The following GLYATL1B variants were observed in gnomAD, a reference collection of about 807,000 sequenced individuals.
GLYATL1B encodes glycine-N-acyltransferase like 1B, also known as putative glycine N-acyltransferase-like protein 1B.
Under a neutral mutation model 5.5 loss-of-function variants are expected in GLYATL1B, and 6 were observed. The ratio of observed to expected loss-of-function variants is 1.09; its 90% CI spans 0.60 to 2.15. The LOEUF is 2.15. Among genes scored for constraint, GLYATL1B ranks in the 30% most tolerant of loss-of-function variants. The pLI is 0.00. For synonymous variants in GLYATL1B, 67 were observed against 34.9 expected (o/e 1.92, Z -3.24); for missense variants, 135 against 94.1 (o/e 1.43, Z -1.80).
intron 2 of GLYATL1B, among the ~76,000 whole-genome samples, chr11:59,089,937 T>G (rs534557960): frequency 6.6e-6 from 1 of 152,244 alleles, no homozygotes; most frequent in Admixed American, 6.5e-5. Context: ...TTTTTCATTT[T>G]GTCTTACAGT....
chr11:59,094,332 G>A lies in GLYATL1B; in HGVS notation c.492-37G>A, dbSNP rs1160942921. ...GGGCACCTAGAAATTACAGGAGTGG[G>A]GATGAAAGTTGTTGTCTTTCTTTTT... is the stretch of plus-strand genomic sequence containing the variant. On this transcript the variant is annotated intron_variant, in intron 4 of 4. Transcript: ENST00000527482. 1.8e-5 allele frequency: 9 copies of A among 493,300 alleles called. No homozygotes were observed. The East Asian group carries it at 2.0e-4, about 11-fold the overall frequency. The allele number at this position is 493,300 out of a possible 1,614,324, so 30.6% of individuals were successfully genotyped here.
At chr11:59,093,488 A>C (rs1175546276) in intron 2 of GLYATL1B, 41 bp from the exon 3 acceptor site, 2 of 474,840 alleles carry the variant, frequency 4.2e-6, no homozygotes, top group Non-Finnish European at 7.8e-6. Context: ...GGAGAAGAAA[A>C]AGTTCAAGGG....
chr11:59,090,104 ATGTC>A (rs1859276493), intron 2 of GLYATL1B, among the ~76,000 whole-genome samples: 1 of 152,072 alleles, frequency 6.6e-6, no homozygotes. Context: ...TGAAACATAA[ATGTC>A]TATTTTGTCA....
chr11:59,088,906 A>G (rs1309788500), intron 2 of GLYATL1B, among the ~76,000 whole-genome samples: 2 of 152,220 alleles, frequency 1.3e-5, no homozygotes, highest in African/African-American at 2.4e-5. Context: ...GGTGAGATGC[A>G]GGAGAATTTC....
At position 59,094,502 on chromosome 11, in the gene GLYATL1B, T is replaced by G. The variant is rs1236392711; in HGVS notation, c.625T>G (p.Cys209Gly). 2.0e-5 allele frequency: 16 copies of G among 805,486 alleles called. No individual in the cohort carries two copies. The highest frequency in any genetic ancestry group is 2.9e-5 in the Non-Finnish European group (14 of 478,654). The allele number at this position is 805,486 out of a possible 1,614,324, so 49.9% of individuals were successfully genotyped here. The change falls in exon 5 of 5, where the codon TGT becomes GGT. Residue 209 changes from cysteine to glycine, a missense_variant. Transcript: ENST00000527482. ...KRCLGALPAA[C>G]MLGPEGVPVS... ...CTGCCTAGGAGCCCTGCCAGCAGCC[T>G]GTATGCTGGGCCCAGAGGGGGTCCC...
At chr11:59,089,642 TCTGAA>T (rs1414601440) in intron 2 of GLYATL1B, among the ~76,000 whole-genome samples, 14 of 152,166 alleles carry the variant, frequency 9.2e-5, no homozygotes, top group African/African-American at 2.9e-4. Context: ...TGGGTTTACT[TCTGAA>T]CTGTTTATAT....
At chr11:59,091,484 C>G (rs1329920378) in intron 2 of GLYATL1B, among the ~76,000 whole-genome samples, 1 of 152,098 alleles carries the variant, frequency 6.6e-6, no homozygotes, top group African/African-American at 2.4e-5. Flanking sequence ...AGTTTTCTAA[C>G]CCAGCCCCTT....
At chr11:59,093,255 G>T (rs570581195) in intron 2 of GLYATL1B, among the ~76,000 whole-genome samples, 98 of 152,286 alleles carry the variant, frequency 6.4e-4, no homozygotes, top group African/African-American at 2.3e-3. Context: ...CTGGTGGAGG[G>T]TGACTGATTT....
intron 2 of GLYATL1B, among the ~76,000 whole-genome samples, chr11:59,087,623 T>C (rs1859217325): frequency 6.6e-6 from 1 of 152,128 alleles, no homozygotes; most frequent in Non-Finnish European, 1.5e-5. Flanking sequence ...GGCAGGAGGA[T>C]CGCTTGAGGC....
At chr11:59,089,284 C>T (rs1859258520) in intron 2 of GLYATL1B, among the ~76,000 whole-genome samples, 1 of 152,180 alleles carries the variant, frequency 6.6e-6, no homozygotes, top group Non-Finnish European at 1.5e-5. Flanking sequence ...GTTCATACTT[C>T]TTTGCCATTA....
chr11:59,091,809 C>T (rs1293549898), intron 2 of GLYATL1B, among the ~76,000 whole-genome samples: 1 of 152,116 alleles, frequency 6.6e-6, no homozygotes. Flanking sequence ...ATGGAATCAT[C>T]ACAGATCCCC....
At chr11:59,089,970 T>C (rs956686006) in intron 2 of GLYATL1B, among the ~76,000 whole-genome samples, 10 of 152,092 alleles carry the variant, frequency 6.6e-5, no homozygotes, top group Non-Finnish European at 1.5e-4. Context: ...ACTTTTGACA[T>C]TTCAAACTTC....
At chr11:59,087,792 G>A (rs1428380083) in intron 2 of GLYATL1B, among the ~76,000 whole-genome samples, 2 of 152,092 alleles carry the variant, frequency 1.3e-5, no homozygotes, top group Non-Finnish European at 2.9e-5. Context: ...AGGCTGCAGT[G>A]AGCCAAGATC....
chr11:59,094,441 A>C lies in GLYATL1B; in HGVS notation c.564A>C (p.Leu188=), dbSNP rs557390760. The change falls in exon 5 of 5, where the codon CTA becomes CTC. Residue 188 remains leucine, a synonymous_variant. Transcript: ENST00000527482. ...YSGLVNDNWK[L]GMNKRSLRYI... Reference sequence around the variant, plus strand: ...GGCTGGTAAATGACAACTGGAAGCTAGGGATGAATAAGAGGAGCCTGCGTT... The same window carrying C: ...GGCTGGTAAATGACAACTGGAAGCTCGGGATGAATAAGAGGAGCCTGCGTT... 14 of 688,464 alleles carry C rather than the reference A, an allele frequency of 2.0e-5. No homozygotes were observed. Among genetic ancestry groups the C allele is most frequent in the Non-Finnish European group, 3.4e-5 (13 of 377,544 alleles). 42.6% of individuals were successfully genotyped at this position (688,464 alleles called of 1,614,324 possible).
chr11:59,086,966 T>C, intron 1 of GLYATL1B, 98 bp from the exon 2 acceptor site: 1 of 464,076 alleles, frequency 2.2e-6, no homozygotes, highest in Non-Finnish European at 3.8e-6. Context: ...TTGGTCCCAG[T>C]ACTGTCTCTT....
intron 2 of GLYATL1B, among the ~76,000 whole-genome samples, chr11:59,088,018 C>A (rs971982156): frequency 1.3e-5 from 2 of 152,172 alleles, no homozygotes. Context: ...GAGAAATATT[C>A]AGTCAGGTAG....
chr11:59,094,537 G>A lies in GLYATL1B; in HGVS notation c.660G>A (p.Trp220Ter), dbSNP rs1019800531. The change falls in exon 5 of 5, where the codon TGG becomes TGA. Residue 220 changes from tryptophan to a stop codon, truncating the protein, a stop_gained. Transcript: ENST00000527482. LOFTEE classifies it low-confidence loss of function (END_TRUNC). Reference sequence around the variant, plus strand: ...GCCCAGAGGGGGTCCCGGTCTCATGGGTAACCATGGACCCTTCTTGTGAAA... The same window carrying A: ...GCCCAGAGGGGGTCCCGGTCTCATGAGTAACCATGGACCCTTCTTGTGAAA... The part of the protein sequence containing the change: ...MLGPEGVPVS[W>*]VTMDPSCEIG... The A allele has an allele frequency of 3.5e-5, 26 of 742,050 alleles. No homozygotes were observed. The highest frequency in any genetic ancestry group is 3.5e-4 in the Middle Eastern group (1 of 2,862). 46.0% of individuals were successfully genotyped at this position (742,050 alleles called of 1,614,324 possible). A position where few individuals can be genotyped will look rare whatever the true frequency, so the allele number is the denominator to read the frequency against.
At chr11:59,087,444 T>C (rs1432447634) in intron 2 of GLYATL1B, among the ~76,000 whole-genome samples, 2 of 151,834 alleles carry the variant, frequency 1.3e-5, no homozygotes, top group Admixed American at 6.6e-5. Flanking sequence ...GTGGCAGGGG[T>C]CACCTGCAGG....
chr11:59,093,569 G>A lies in GLYATL1B; in HGVS notation c.227G>A (p.Arg76His), dbSNP rs1406834529. 4 of 484,986 alleles carry A rather than the reference G, an allele frequency of 8.2e-6. No homozygotes were observed. The highest frequency in any genetic ancestry group is 2.0e-5 in the African/African-American group (1 of 50,592). The allele number at this position is 484,986 out of a possible 1,614,324, so 30.0% of individuals were successfully genotyped here. A position where few individuals can be genotyped will look rare whatever the true frequency, so the allele number is the denominator to read the frequency against. Reference sequence around the variant, plus strand: ...ATGGATTCATACACTAATGTATATCGTGTATTCTCCAAAGACCCTCAAAAA... The same window carrying A: ...ATGGATTCATACACTAATGTATATCATGTATTCTCCAAAGACCCTCAAAAA... The part of the protein sequence containing the change: ...DDMDSYTNVY[R>H]VFSKDPQKSQ... Residue 76 changes from arginine to histidine, a missense_variant, in exon 3 of 5, where the codon CGT becomes CAT. By Grantham distance (29) the Arg-to-His change is conservative. Coordinates refer to ENST00000527482, the MANE Select transcript of GLYATL1B (RefSeq NM_001355566.1).
Sources: gnomAD v4.1 joint callset for allele counts (sites outside exome capture counted in the v4.1 genomes callset) on GRCh38, gnomAD v4.1.1 for gene constraint, MANE v1.5 for transcripts, NCBI Gene and HGNC (gene_info 2026-07-23, HGNC 2026-07-21) for gene names.